Variants in CABIN1 observed in about 807,000 individuals in gnomAD.
CABIN1 encodes the protein calcineurin binding protein 1, also known as calcineurin-binding protein cabin-1.
In CABIN1, 133 loss-of-function variants were observed where a neutral mutation model predicts 227.7. That is an observed-to-expected ratio of 0.58 (90% CI 0.51 to 0.67). The LOEUF (loss-of-function observed/expected upper bound fraction) is 0.67, where lower values mean the gene tolerates loss of function less well. CABIN1 is among the 30% of genes least tolerant of loss of function. The pLI, the probability that CABIN1 is intolerant of heterozygous loss-of-function variation, is 0.00. For synonymous variants in CABIN1, 1,086 were observed against 1,155.1 expected (o/e 0.94, Z 1.21); for missense variants, 2,408 against 2,852.5 (o/e 0.84, Z 3.55).
chr22:24,042,988 C>T lies in CABIN1; in HGVS notation c.430C>T (p.Arg144Cys), dbSNP rs751307205. 45 of 1,613,740 alleles carry T rather than the reference C, an allele frequency of 2.8e-5. 1 individual carries two copies. In the South Asian group the frequency reaches 3.2e-4, roughly 11 times the overall value. Reference sequence around the variant, plus strand: ...GAGGCTCATCCGGATCCCCCTGGCTCGCCATGCTTTTGAGGAAGGGCTGCG... The same window carrying T: ...GAGGCTCATCCGGATCCCCCTGGCTTGCCATGCTTTTGAGGAAGGGCTGCG... ...ALRLIRIPLA[R>C]HAFEEGLRCN... The change falls in exon 6 of 37, where the codon CGC becomes TGC. Residue 144 changes from arginine to cysteine, a missense_variant. Transcript: ENST00000263119.
intron 29 of CABIN1, among the ~76,000 whole-genome samples, chr22:24,155,422 C>G (rs1828186684): frequency 6.6e-6 from 1 of 152,104 alleles, no homozygotes; most frequent in Non-Finnish European, 1.5e-5. Flanking sequence ...TGAGAGCTGC[C>G]TACTACTCCC....
intron 6 of CABIN1, among the ~76,000 whole-genome samples, chr22:24,045,104 T>G (rs1157194457): frequency 1.3e-5 from 2 of 152,164 alleles, no homozygotes; most frequent in African/African-American, 4.8e-5. Flanking sequence ...TTTTTTATTT[T>G]TAGTAGAGAC....
intron 6 of CABIN1, among the ~76,000 whole-genome samples, chr22:24,048,113 C>G (rs1269020397): frequency 6.6e-6 from 1 of 152,104 alleles, no homozygotes; most frequent in Non-Finnish European, 1.5e-5. Flanking sequence ...CTCATTATGA[C>G]ATTAACTTGA....
chr22:24,148,730 T>C (rs868651670), intron 29 of CABIN1, among the ~76,000 whole-genome samples: 3 of 152,198 alleles, frequency 2.0e-5, no homozygotes, highest in Non-Finnish European at 4.4e-5. Flanking sequence ...GGAAAACAGA[T>C]GAAAGGGCAG....
At chr22:24,156,050 G>A (rs1380711504) in intron 29 of CABIN1, 1 of 452,478 alleles carries the variant, frequency 2.2e-6, no homozygotes, top group Non-Finnish European at 3.9e-6. Flanking sequence ...TAGCTCCACT[G>A]CACAGATGCC....
intron 27 of CABIN1, 40 bp from the exon 28 acceptor site, chr22:24,119,327 A>G (rs757737274): frequency 5.1e-6 from 8 of 1,578,698 alleles, no homozygotes. Flanking sequence ...GACAGGGCCT[A>G]AAACCAGGGT....
chr22:24,035,464 A>G lies in CABIN1; in HGVS notation c.-54A>G, dbSNP rs2036795722. ...TCTAGGAGAGTTGTGGACTGGGGCA[A>G]CCTTTGCCAGTGATGAGAAGTGATG... On this transcript the variant is annotated 5_prime_UTR_variant, in exon 2 of 37. Coordinates refer to ENST00000263119, the MANE Select transcript of CABIN1 (RefSeq NM_012295.4). 3.1e-6 allele frequency: 5 copies of G among 1,613,566 alleles called. No individual in the cohort carries two copies. Among genetic ancestry groups the G allele is most frequent in the Admixed American group, 3.3e-5 (2 of 60,018 alleles).
At chr22:24,039,298 T>C (rs958936055) in intron 4 of CABIN1, among the ~76,000 whole-genome samples, 10 of 152,214 alleles carry the variant, frequency 6.6e-5, no homozygotes, top group East Asian at 3.8e-4. Flanking sequence ...CAGACACTTA[T>C]GACTCAAGCA....
chr22:24,070,802 C>G lies in CABIN1; in HGVS notation c.2235C>G (p.Asp745Glu). The stretch of plus-strand genomic sequence containing the variant: ...CACCTGGCTTCTTGCTGTACTAGGA[C>G]TCCTTGCTCCGGCTGAAGGACTATC... ...ERPAQLLLLQ[D>E]SLLRLKDYRQ... is the part of the protein sequence containing the mutation. The change falls in exon 17 of 37, where the codon GAC becomes GAG. Residue 745 changes from aspartate (D) to glutamate (E), a missense_variant and splice_region_variant. Asp to Glu is a conservative substitution (Grantham distance 45, BLOSUM62 2). Coordinates refer to ENST00000263119, the MANE Select transcript of CABIN1 (RefSeq NM_012295.4). 2 of 1,614,208 alleles carry G rather than the reference C, an allele frequency of 1.2e-6. No homozygotes were observed. The highest frequency in any genetic ancestry group is 1.7e-6 in the Non-Finnish European group (2 of 1,180,036).
intron 28 of CABIN1, among the ~76,000 whole-genome samples, chr22:24,126,350 T>C (rs2043722697): frequency 1.3e-5 from 2 of 152,120 alleles, no homozygotes; most frequent in Admixed American, 1.3e-4. Flanking sequence ...GGAAGACCTG[T>C]CTAAGCAAGG....
At chr22:24,142,308 C>T (rs2148346337) in intron 29 of CABIN1, among the ~76,000 whole-genome samples, 1 of 152,274 alleles carries the variant, frequency 6.6e-6, no homozygotes, top group East Asian at 1.9e-4. Context: ...CCTCCCAAAA[C>T]CTCTCCTAGC....
intron 27 of CABIN1, among the ~76,000 whole-genome samples, chr22:24,115,572 T>C (rs1359387460): frequency 2.6e-5 from 4 of 152,230 alleles, no homozygotes; most frequent in African/African-American, 9.6e-5. Context: ...CAGGGAATGC[T>C]TCCCAAGCCC....
rs1269825463 is a variant in CABIN1, at chr22:24,166,717, C to A, written c.5086C>A (p.Pro1696Thr). Residue 1696 changes from proline (P) to threonine (T), a missense_variant, in exon 32 of 37, where the codon CCT becomes ACT. Coordinates refer to ENST00000263119, the MANE Select transcript of CABIN1 (RefSeq NM_012295.4). ...MTTDVSHKAS[P>T]EDGQEGLPQP... The stretch of plus-strand genomic sequence containing the variant: ...CACCGATGTCTCACACAAGGCCAGT[C>A]CTGAGGATGGCCAGGAGGGCCTCCC... 1 of 1,612,764 alleles carries A rather than the reference C, an allele frequency of 6.2e-7. No homozygotes were observed. The highest frequency in any genetic ancestry group is 8.5e-7 in the Non-Finnish European group (1 of 1,180,014).
chr22:24,061,575 G>A (rs2039194224), intron 12 of CABIN1, among the ~76,000 whole-genome samples: 1 of 152,246 alleles, frequency 6.6e-6, no homozygotes, highest in Non-Finnish European at 1.5e-5. Flanking sequence ...TCATCACTGA[G>A]CCTCAGCTTC....
At chr22:24,118,765 ACCACCCAG>A (rs1407307053) in intron 27 of CABIN1, among the ~76,000 whole-genome samples, 3 of 152,200 alleles carry the variant, frequency 2.0e-5, no homozygotes, top group Admixed American at 1.3e-4. Context: ...GTGCAGCACC[ACCACCCAG>A]CCTGGGCTAT....
Position 24,165,557 on chromosome 22 carries a change from G to T in CABIN1, c.4938G>T (p.Gln1646His), listed in dbSNP as rs1479114451. ...AGTATCTGCGAGATGCTGACCGCCA[G>T]GTCCTGGCGCAGCGGGCCTTCATCC... is the stretch of plus-strand genomic sequence containing the variant. ...GKKYLRDADR[Q>H]VLAQRAFILT... Residue 1646 changes from glutamine (Q) to histidine (H), a missense_variant, in exon 31 of 37, where the codon CAG (glutamine) becomes CAT (histidine). Coordinates refer to ENST00000263119, the MANE Select transcript of CABIN1 (RefSeq NM_012295.4). 10 of 1,613,232 alleles carry T rather than the reference G, an allele frequency of 6.2e-6. No individual in the cohort carries two copies. Among genetic ancestry groups the T allele is most frequent in the Non-Finnish European group, 8.5e-6 (10 of 1,179,994 alleles).
chr22:24,172,105 C>A, intron 34 of CABIN1, 110 bp downstream of exon 34: 4 of 1,325,290 alleles, frequency 3.0e-6, no homozygotes, highest in Non-Finnish European at 4.1e-6. Context: ...CCCTCCCGCC[C>A]AGTCGATCCC....
At chr22:24,018,177 G>A (rs927079498) in intron 1 of CABIN1, among the ~76,000 whole-genome samples, 2 of 152,118 alleles carry the variant, frequency 1.3e-5, no homozygotes, top group Admixed American at 6.6e-5. Flanking sequence ...TTTAAGAGCT[G>A]TTTGTATATT....
At chr22:24,124,644 A>G (rs1250950020) in intron 28 of CABIN1, among the ~76,000 whole-genome samples, 2 of 152,242 alleles carry the variant, frequency 1.3e-5, no homozygotes, top group Non-Finnish European at 2.9e-5. Context: ...ACACTCATAG[A>G]AACCTGGCTC....
Sources: gnomAD v4.1 joint callset for allele counts (sites outside exome capture counted in the v4.1 genomes callset) on GRCh38, gnomAD v4.1.1 for gene constraint, MANE v1.5 for transcripts, NCBI Gene and HGNC (gene_info 2026-07-23, HGNC 2026-07-21) for gene names.